Variants in RAD54B observed in about 807,000 individuals in gnomAD.
RAD54B encodes the protein DNA repair and recombination protein RAD54B.
A neutral mutation model predicts 95.8 loss-of-function variants in RAD54B; 78 were observed. The observed-to-expected ratio is 0.81, with a 90% CI of 0.68 to 0.98. RAD54B has a LOEUF of 0.98. Among genes scored for constraint, RAD54B ranks in the 50% least tolerant of loss-of-function variants. RAD54B has a pLI of 0.00. For missense variants in RAD54B, 957 were observed against 1,056.6 expected (o/e 0.91, Z 1.31); for synonymous variants, 328 against 354.9 (o/e 0.92, Z 0.85).
At chr8:94,436,829 C>T (rs895345961) in intron 3 of RAD54B, 2 of 1,544,462 alleles carry the variant, frequency 1.3e-6, no homozygotes, top group East Asian at 2.4e-5. Flanking sequence ...TCAAGCTTTT[C>T]GGATAAGGTA....
intron 11 of RAD54B, among the ~76,000 whole-genome samples, chr8:94,383,702 G>T (rs1810797114): frequency 6.6e-6 from 1 of 151,772 alleles, no homozygotes; most frequent in Admixed American, 6.6e-5. Context: ...ATCCATTCCT[G>T]GTCTTGGAAG....
chr8:94,378,139 T>G, intron 14 of RAD54B, 41 bp downstream of exon 14: 1 of 1,375,616 alleles, frequency 7.3e-7, no homozygotes, highest in Non-Finnish European at 9.9e-7. Context: ...AAGAAATAAA[T>G]TAACTTTACT....
At chr8:94,427,634 A>T (rs1417284565) in intron 3 of RAD54B, 1 of 775,176 alleles carries the variant, frequency 1.3e-6, no homozygotes, top group Non-Finnish European at 1.6e-6. Context: ...AATGTATTTC[A>T]ATTATACCTC....
intron 3 of RAD54B, among the ~76,000 whole-genome samples, chr8:94,442,653 T>G (rs754647915): frequency 1.3e-5 from 2 of 151,050 alleles, no homozygotes; most frequent in African/African-American, 2.4e-5. Context: ...ACGGTGACTA[T>G]AGTCAACAAC....
At chr8:94,409,362 T>C (rs1811472581) in intron 4 of RAD54B, among the ~76,000 whole-genome samples, 1 of 151,620 alleles carries the variant, frequency 6.6e-6, no homozygotes, top group Non-Finnish European at 1.5e-5. Context: ...CATCGGCATT[T>C]CTTTTCTTTT....
intron 11 of RAD54B, among the ~76,000 whole-genome samples, chr8:94,381,939 C>A (rs911922058): frequency 3.3e-5 from 5 of 151,966 alleles, no homozygotes; most frequent in African/African-American, 1.2e-4. Context: ...CGGTGAAACC[C>A]CGTCTCTACT....
intron 3 of RAD54B, chr8:94,428,120 T>C (rs999038080): frequency 4.8e-5 from 44 of 913,236 alleles, no homozygotes; most frequent in Non-Finnish European, 5.8e-5. Context: ...TTCATATGGA[T>C]AAGAGAAAGA....
At chr8:94,467,233 T>C (rs1297851804) in intron 2 of RAD54B, among the ~76,000 whole-genome samples, 172 bp downstream of exon 2, 2 of 152,216 alleles carry the variant, frequency 1.3e-5, no homozygotes, top group Admixed American at 6.5e-5. Flanking sequence ...CAGCCTGTTA[T>C]TCCTTTTAAA....
rs377350119 is a variant in RAD54B, at chr8:94,380,888, G to A, written c.1986-482C>T. Among the ~76,000 whole-genome samples, 7 of 152,170 alleles carry A rather than the reference G, an allele frequency of 4.6e-5. No homozygotes were observed. In the East Asian group the frequency reaches 7.7e-4, roughly 17 times the overall value. ...ACTGGAACTATTACAACATTGGTAC[G>A]TAGAACCCAGGCCCTGCTCCCATGT... is the stretch of plus-strand genomic sequence containing the variant. On this transcript the variant is annotated intron_variant, in intron 11 of 14. Transcript: ENST00000336148.
Position 94,407,672 on chromosome 8 carries a change from G to A in RAD54B, c.548C>T (p.Thr183Ile), listed in dbSNP as rs774745162. The A allele has an allele frequency of 4.3e-6, 7 of 1,613,782 alleles. No homozygotes were observed. The highest frequency in any genetic ancestry group is 1.7e-4 in the Middle Eastern group (1 of 6,058). Residue 183 changes from threonine to isoleucine, a missense_variant, in exon 5 of 15, where the codon ACA becomes ATA. By Grantham distance (89) the Thr-to-Ile change is moderately conservative (BLOSUM62 -1). Coordinates refer to ENST00000336148, the MANE Select transcript of RAD54B (RefSeq NM_012415.3). ...KELEKIEEGQ[T>I]LMICGKEIEV... Reference sequence around the variant, plus strand: ...TATTTCTTTTCCACAAATCATCAGTGTTTGGCCCTCTTCAATCTTTTCAAG... The same window carrying A: ...TATTTCTTTTCCACAAATCATCAGTATTTGGCCCTCTTCAATCTTTTCAAG...
At chr8:94,410,010 T>C (rs1563646086) in intron 4 of RAD54B, among the ~76,000 whole-genome samples, 1 of 152,220 alleles carries the variant, frequency 6.6e-6, no homozygotes, top group Non-Finnish European at 1.5e-5. Context: ...ATTTTTATAA[T>C]AAATAAAACA....
intron 7 of RAD54B, 116 bp from the exon 8 acceptor site, chr8:94,399,737 G>C: frequency 7.4e-7 from 1 of 1,348,448 alleles, no homozygotes; most frequent in South Asian, 1.6e-5. Context: ...AACTCTTTCT[G>C]TCTTAGTCAA....
chr8:94,411,832 C>T (rs1586147034), intron 3 of RAD54B, among the ~76,000 whole-genome samples: 1 of 152,082 alleles, frequency 6.6e-6, no homozygotes, highest in East Asian at 1.9e-4. Context: ...TGTGGGATGG[C>T]TAAATCAAAC....
rs948213825 is a variant in RAD54B, at chr8:94,459,881, G to A, written c.136-1445C>T. ...TCTCAAAAAAATAAAAAATTAGGCC[G>A]GGCGCAGTGGCTCACACCTGTAATC... On this transcript the variant is annotated intron_variant, in intron 2 of 14. Transcript: ENST00000336148. Among the ~76,000 whole-genome samples, 24 of 150,612 alleles carry A rather than the reference G, an allele frequency of 1.6e-4. No homozygotes were observed. In the South Asian group the frequency reaches 3.2e-3, roughly 20 times the overall value.
intron 3 of RAD54B, chr8:94,430,617 T>C: frequency 9.9e-6 from 6 of 608,620 alleles, no homozygotes; most frequent in Non-Finnish European, 1.0e-5. Flanking sequence ...TCAGGACCCA[T>C]ACTTGGAAAA....
chr8:94,452,071 G>C (rs561357383), intron 3 of RAD54B, among the ~76,000 whole-genome samples: 6 of 152,194 alleles, frequency 3.9e-5, no homozygotes, highest in Admixed American at 1.3e-4. Context: ...CTGGTTCATA[G>C]ATGGCACTGT....
At chr8:94,390,582 TAGAG>T (rs996823658) in intron 10 of RAD54B, among the ~76,000 whole-genome samples, 2 of 148,012 alleles carry the variant, frequency 1.4e-5, no homozygotes, top group Non-Finnish European at 3.0e-5. Context: ...AGATTATATA[TAGAG>T]ATTTTATATA....
At chr8:94,425,344 C>T (rs1190779486) in intron 3 of RAD54B, among the ~76,000 whole-genome samples, 1 of 151,216 alleles carries the variant, frequency 6.6e-6, no homozygotes, top group South Asian at 2.1e-4. Context: ...CATGAGCCAC[C>T]GCACCCAGCC....
chr8:94,381,127 TA>T (rs35744651), intron 11 of RAD54B, among the ~76,000 whole-genome samples: 69,875 of 150,156 alleles, frequency 0.47, 17,610 homozygotes, highest in Non-Finnish European at 0.59. Context: ...CCCTGTCTTT[TA>T]AAAAAAAAAA....
Sources: allele counts gnomAD v4.1 joint callset (sites outside exome capture counted in the v4.1 genomes callset), GRCh38; gene constraint gnomAD v4.1.1; transcripts MANE v1.5; gene names NCBI Gene and HGNC (gene_info 2026-07-23, HGNC 2026-07-21).